Variants in SNX31 observed in about 807,000 individuals in gnomAD.
The protein encoded by SNX31 is sorting nexin 31.
A neutral mutation model predicts 65.4 loss-of-function variants in SNX31; 58 were observed. That is an observed-to-expected ratio of 0.89 (90% confidence interval 0.72 to 1.10). SNX31 has a LOEUF of 1.10. Among genes scored for constraint, SNX31 ranks in the 50% least tolerant of loss-of-function variants. The pLI is 0.00. For missense variants in SNX31, 523 were observed against 529.7 expected, an observed-to-expected ratio of 0.99 and a Z score of 0.12; for synonymous variants, 181 against 190.1, an observed-to-expected ratio of 0.95 and a Z score of 0.39.
chr8:100,573,880 CT>C lies in SNX31; in HGVS notation c.1307del (p.Lys436ArgfsTer48). The C allele has an allele frequency of 6.3e-7, 1 of 1,575,138 alleles. No homozygotes were observed. The highest frequency in any genetic ancestry group is 1.9e-5 in the Admixed American group (1 of 52,748). On this transcript the variant is annotated frameshift_variant, in exon 14 of 14. Transcript: ENST00000311812. LOFTEE classifies it high-confidence loss of function. Reference protein sequence around the residue: ...AKDDCVFGNIKEEDL With the variant: ...AKDDCVFGNIXEEDL ...AGAGCTTTCTTCAGAGATCTTCTTC[CT>C]TTATGTTCCCAAAAACGCAGTCATC...
intron 10 of SNX31, among the ~76,000 whole-genome samples, chr8:100,591,914 A>G (rs1455080795): frequency 6.6e-6 from 1 of 152,244 alleles, no homozygotes. Context: ...AAGGAATTCA[A>G]TAAAATGCGA....
In SNX31 at chr8:100,610,726, C is replaced by G. The variant is rs1333233127; in HGVS notation, c.611+1274G>C. Among the ~76,000 whole-genome samples the G allele has an allele frequency of 6.6e-6, 1 of 152,224 alleles. No homozygotes were observed. The highest frequency in any genetic ancestry group is 1.9e-4 in the East Asian group (1 of 5,200). Reference sequence around the variant, plus strand: ...CTCCCCTTCTCAGGGTTTCACATCTCAAGATCTGGACCATTCCTCAGGATA... The same window carrying G: ...CTCCCCTTCTCAGGGTTTCACATCTGAAGATCTGGACCATTCCTCAGGATA... On this transcript the variant is annotated intron_variant, in intron 7 of 13. Transcript: ENST00000311812. This position sits in a 1 kb window ranked among gnomAD's most constrained non-coding sequence, Gnocchi z 4.0.
rs1357420521 is a variant in SNX31, at chr8:100,588,556, G to T, written c.1092+310C>A. Among the ~76,000 whole-genome samples the T allele has an allele frequency of 6.6e-6, 1 of 152,150 alleles. No individual in the cohort carries two copies. Among genetic ancestry groups the T allele is most frequent in the Non-Finnish European group, 1.5e-5 (1 of 68,030 alleles). ...GAGCAGTTGCAACAGAGACTGTATG[G>T]ATCTCAAATCCTAAAATATTTACTA... On this transcript the variant is annotated intron_variant, in intron 11 of 13. Transcript: ENST00000311812. The surrounding 1 kb of genome is among the most constrained non-coding windows in gnomAD (Gnocchi z 4.8).
At chr8:100,583,980 C>G in intron 12 of SNX31, 131 bp downstream of exon 12, 1 of 676,734 alleles carries the variant, frequency 1.5e-6, no homozygotes, top group Non-Finnish European at 2.5e-6. Context: ...GAGCTCACTT[C>G]TGTGGTTTGG....
chr8:100,657,649 A>G, intron 1 of SNX31: 1 of 456,084 alleles, frequency 2.2e-6, no homozygotes, highest in Non-Finnish European at 4.4e-6. Context: ...CTTGGGAGCC[A>G]GTCTGAAGTG....
rs762446823 is a variant in SNX31, at chr8:100,613,344, G to A, written c.433-259C>T. On this transcript the variant is annotated intron_variant, in intron 5 of 13. Coordinates refer to ENST00000311812, the MANE Select transcript of SNX31 (RefSeq NM_152628.4). The surrounding 1 kb of genome is among the most constrained non-coding windows in gnomAD (Gnocchi z 5.2). ...AGAGGCTGGCCCCAAGTTGAGGTTG[G>A]TCATCCCATCTCAGATGTGGACTCA... Among the ~76,000 whole-genome samples, 2 of 152,166 alleles carry A rather than the reference G, an allele frequency of 1.3e-5. No homozygotes were observed. Among genetic ancestry groups the A allele is most frequent in the Non-Finnish European group, 2.9e-5 (2 of 68,020 alleles).
chr8:100,648,322 CTTTTT>C lies in SNX31; in HGVS notation c.141+947_141+951del, dbSNP rs33988254. Among the ~76,000 whole-genome samples the C allele has an allele frequency of 7.6e-6, 1 of 131,412 alleles. No individual in the cohort carries two copies. The highest frequency in any genetic ancestry group is 2.2e-4 in the East Asian group (1 of 4,550). The allele number at this position is 131,412 out of a possible 152,430, so 86.2% of individuals were successfully genotyped here. On this transcript the variant is annotated intron_variant, in intron 2 of 13. Transcript: ENST00000311812. This position sits in a 1 kb window ranked among gnomAD's most constrained non-coding sequence, Gnocchi z 4.3. ...GAAAGTTTTTTCAGTTTTCTCTACA[CTTTTT>C]TTTTTTTTTTTTTTAATAGAGACAA...
chr8:100,656,640 C>CAAAAAAAAAA (rs34052612), intron 1 of SNX31, among the ~76,000 whole-genome samples: 1 of 44,608 alleles, frequency 2.2e-5, no homozygotes, highest in Non-Finnish European at 4.0e-5. Context: ...GACTCTGTCT[C>CAAAAAAAAAA]AAAAAAAAAA....
Position 100,575,032 on chromosome 8 carries a change from C to A in SNX31, c.1228-1072G>T, listed in dbSNP as rs139818409. 3.3e-5 allele frequency among the ~76,000 whole-genome samples: 5 copies of A among 152,202 alleles called. No individual in the cohort carries two copies. The highest frequency in any genetic ancestry group is 2.6e-4 in the Admixed American group (4 of 15,290). On this transcript the variant is annotated intron_variant, in intron 13 of 13. Transcript: ENST00000311812. This position sits in a 1 kb window ranked among gnomAD's most constrained non-coding sequence, Gnocchi z 5.1. Reference sequence around the variant, plus strand: ...AATTTGCCTTCAGTACTTATGAAATCTCAAAGACACGGTTATGGAAAGTGG... The same window carrying A: ...AATTTGCCTTCAGTACTTATGAAATATCAAAGACACGGTTATGGAAAGTGG...
chr8:100,583,258 C>G (rs1055191884), intron 12 of SNX31, among the ~76,000 whole-genome samples: 6 of 151,698 alleles, frequency 4.0e-5, no homozygotes, highest in Non-Finnish European at 8.8e-5. Context: ...AGGTACCCAC[C>G]ACCACACCCA....
At chr8:100,585,949 C>T (rs988471736) in intron 11 of SNX31, among the ~76,000 whole-genome samples, 1 of 151,998 alleles carries the variant, frequency 6.6e-6, no homozygotes, top group Non-Finnish European at 1.5e-5. Context: ...GAGATGGAGT[C>T]TTGCTCTGTC....
chr8:100,663,128 G>C (rs1483570809), intron 1 of SNX31: 1 of 152,212 alleles, frequency 6.6e-6, no homozygotes, highest in East Asian at 1.9e-4. Context: ...AAGGAGCGGG[G>C]GTTGGAAACC....
intron 2 of SNX31, among the ~76,000 whole-genome samples, chr8:100,637,047 G>C (rs924028616): frequency 3.3e-5 from 5 of 152,072 alleles, no homozygotes; most frequent in Non-Finnish European, 5.9e-5. Flanking sequence ...ATTTCTATTG[G>C]ACCAGTGCTG....
chr8:100,650,834 T>C (rs1819943633), upstream of SNX31, among the ~76,000 whole-genome samples: 1 of 127,468 alleles, frequency 7.8e-6, no homozygotes, highest in Non-Finnish European at 1.6e-5. Context: ...CAAATTAGTG[T>C]TTTTTGTGTT....
intron 8 of SNX31, among the ~76,000 whole-genome samples, chr8:100,603,184 A>C (rs1182441313): frequency 6.6e-6 from 1 of 152,140 alleles, no homozygotes. Flanking sequence ...TACAGACCAT[A>C]CGAGAAAGCA....
At chr8:100,663,058 A>G (rs910662852) in intron 1 of SNX31, 1 of 152,226 alleles carries the variant, frequency 6.6e-6, no homozygotes, top group African/African-American at 2.4e-5. Flanking sequence ...TGTAGATGGG[A>G]GGTAAACATC....
At chr8:100,589,894 G>A (rs1277986016) in intron 10 of SNX31, among the ~76,000 whole-genome samples, 1 of 152,222 alleles carries the variant, frequency 6.6e-6, no homozygotes, top group Non-Finnish European at 1.5e-5. Context: ...TGAAAAGTCA[G>A]AGGATGGCAT....
At chr8:100,615,808 C>A (rs573647205) in intron 5 of SNX31, among the ~76,000 whole-genome samples, 1 of 152,158 alleles carries the variant, frequency 6.6e-6, no homozygotes, top group East Asian at 1.9e-4. Context: ...CTTGCTCTGT[C>A]GCCCAGGCTG....
At chr8:100,654,735 G>A (rs140354470) in intron 1 of SNX31, among the ~76,000 whole-genome samples, 202 of 152,284 alleles carry the variant, frequency 1.3e-3, no homozygotes, top group African/African-American at 3.2e-3. Context: ...AGATGGGGCC[G>A]GGTGCAGTGG....
Sources: gnomAD v4.1 joint callset for allele counts (sites outside exome capture counted in the v4.1 genomes callset) on GRCh38, gnomAD v4.1.1 for gene constraint, Gnocchi (gnomAD v3.1) non-coding constraint, MANE v1.5 for transcripts, NCBI Gene and HGNC (gene_info 2026-07-23, HGNC 2026-07-21) for gene names.